CD86: variants seen among roughly 807,000 people sequenced by gnomAD.
CD86 encodes the protein T-lymphocyte activation antigen CD86.
In CD86, 11 loss-of-function variants were observed where a neutral mutation model predicts 32.1. The observed-to-expected ratio is 0.34, with a 90% CI of 0.22 to 0.57. The LOEUF (loss-of-function observed/expected upper bound fraction) is 0.57, where lower values mean the gene tolerates loss of function less well. Ranked by LOEUF, CD86 falls within the 20% of genes least tolerant of loss-of-function variation. CD86 has a pLI of 0.86. For synonymous variants in CD86, 137 were observed against 135.3 expected (o/e 1.01, Z -0.09); for missense variants, 359 against 398.4 (o/e 0.90, Z 0.84).
intron 5 of CD86, among the ~76,000 whole-genome samples, chr3:122,113,821 G>T (rs1321406180): frequency 6.6e-6 from 1 of 152,204 alleles, no homozygotes; most frequent in East Asian, 1.9e-4. Flanking sequence ...AGAGAACAGA[G>T]ATACTGTCTT....
chr3:122,106,593 C>A, intron 4 of CD86, 93 bp downstream of exon 4: 1 of 1,155,250 alleles, frequency 8.7e-7, no homozygotes, highest in South Asian at 1.5e-5. Flanking sequence ...GCTAGGAAAC[C>A]TCCAACTGGG....
intron 1 of CD86, among the ~76,000 whole-genome samples, chr3:122,056,523 CGG>C (rs1320110410): frequency 3.3e-5 from 5 of 152,156 alleles, no homozygotes; most frequent in African/African-American, 1.2e-4. Flanking sequence ...TTGGTAGAGA[CGG>C]GGTCCACCAT....
intron 1 of CD86, among the ~76,000 whole-genome samples, chr3:122,087,584 T>A (rs2107523517): frequency 6.6e-6 from 1 of 152,310 alleles, no homozygotes. Context: ...GAAAATCATA[T>A]CAATCTTGAG....
At chr3:122,100,968 T>G (rs985201221) in intron 2 of CD86, among the ~76,000 whole-genome samples, 2 of 152,024 alleles carry the variant, frequency 1.3e-5, no homozygotes, top group African/African-American at 4.8e-5. Context: ...ACTTTCCCCA[T>G]TTAGTCAGAG....
At chr3:122,115,412 T>C (rs964686796) in intron 5 of CD86, among the ~76,000 whole-genome samples, 4 of 152,136 alleles carry the variant, frequency 2.6e-5, no homozygotes, top group African/African-American at 9.7e-5. Context: ...GAAGACTAGA[T>C]GTTAAGATAA....
chr3:122,117,986 C>T (rs1252060799), intron 5 of CD86, 62 bp from the exon 6 acceptor site: 2 of 1,437,022 alleles, frequency 1.4e-6, no homozygotes, highest in Non-Finnish European at 2.0e-6. Flanking sequence ...CCTTTTCAAA[C>T]TTTCCTTCTT....
chr3:122,119,206 C>T (rs1395499226), intron 6 of CD86, among the ~76,000 whole-genome samples: 2 of 152,208 alleles, frequency 1.3e-5, no homozygotes, highest in African/African-American at 2.4e-5. Flanking sequence ...AGCAGAGAAC[C>T]GGCAGAGGGC....
chr3:122,071,006 T>C (rs1001826361), intron 1 of CD86, among the ~76,000 whole-genome samples: 2 of 152,226 alleles, frequency 1.3e-5, no homozygotes, highest in Non-Finnish European at 2.9e-5. Context: ...TTTCAAAAAA[T>C]TGAGCACATA....
chr3:122,108,672 A>G (rs1184255984), intron 4 of CD86, among the ~76,000 whole-genome samples: 2 of 152,210 alleles, frequency 1.3e-5, no homozygotes, highest in Non-Finnish European at 2.9e-5. Flanking sequence ...CAAGGCATGA[A>G]GAAACATCAA....
intron 1 of CD86, among the ~76,000 whole-genome samples, chr3:122,082,539 T>A (rs1378804062): frequency 1.3e-5 from 2 of 152,250 alleles, no homozygotes; most frequent in Non-Finnish European, 2.9e-5. Context: ...AGCGATGTGG[T>A]CTGATTAGCA....
intron 1 of CD86, among the ~76,000 whole-genome samples, chr3:122,075,953 A>T (rs141427934): frequency 6.6e-6 from 1 of 152,188 alleles, no homozygotes; most frequent in African/African-American, 2.4e-5. Flanking sequence ...CCTATGAGAT[A>T]TTTAGTATTA....
chr3:122,102,412 T>TTA (rs2073024957), intron 2 of CD86, among the ~76,000 whole-genome samples: 1 of 136,792 alleles, frequency 7.3e-6, no homozygotes, highest in African/African-American at 2.8e-5. Context: ...CTTACTTTTT[T>TTA]TTTTTTTTTT....
At chr3:122,102,406 C>CTTTTTTTTTTTTTTT (rs1011413952) in intron 2 of CD86, among the ~76,000 whole-genome samples, 2 of 56,134 alleles carry the variant, frequency 3.6e-5, no homozygotes, top group Admixed American at 1.7e-4. Context: ...CCACTGCTTA[C>CTTTTTTTTTTTTTTT]TTTTTTTTTT....
intron 1 of CD86, among the ~76,000 whole-genome samples, chr3:122,059,986 GT>G (rs2072306988): frequency 6.6e-6 from 1 of 152,054 alleles, no homozygotes; most frequent in South Asian, 2.1e-4. Context: ...GAAACCCTAA[GT>G]TTGGACTCCT....
At chr3:122,100,855 C>T (rs569255127) in intron 2 of CD86, among the ~76,000 whole-genome samples, 1 of 152,108 alleles carries the variant, frequency 6.6e-6, no homozygotes, top group African/African-American at 2.4e-5. Context: ...CAATGCTTAC[C>T]CACCTATGGA....
chr3:122,072,319 T>G (rs1576761479), intron 1 of CD86, among the ~76,000 whole-genome samples: 2 of 148,314 alleles, frequency 1.3e-5, no homozygotes, highest in South Asian at 2.2e-4. Flanking sequence ...ACTTCCACAA[T>G]GGTTGAACTA....
At position 122,106,451 on chromosome 3, in the gene CD86, T is replaced by C. The variant is rs368758278; in HGVS notation, c.654T>C (p.Cys218=). 1.2e-6 allele frequency: 2 copies of C among 1,613,126 alleles called. No homozygotes were observed. Among genetic ancestry groups the C allele is most frequent in the Non-Finnish European group, 1.7e-6 (2 of 1,179,462 alleles). ...PDVTSNMTIF[C]ILETDKTRLL... is the part of the protein sequence containing the mutation. ...TTACGAGCAATATGACCATCTTCTG[T>C]ATTCTGGAAACTGACAAGACGCGGC... Residue 218 remains cysteine, a synonymous_variant, in exon 4 of 7, where the codon TGT becomes TGC. Transcript: ENST00000330540.
intron 1 of CD86, among the ~76,000 whole-genome samples, chr3:122,080,667 G>A (rs1257383161): frequency 6.6e-6 from 1 of 152,138 alleles, no homozygotes; most frequent in African/African-American, 2.4e-5. Flanking sequence ...ACTCACGAAA[G>A]AAAACAAGCA....
chr3:122,068,308 T>C (rs2107504843), intron 1 of CD86, among the ~76,000 whole-genome samples: 1 of 152,244 alleles, frequency 6.6e-6, no homozygotes, highest in East Asian at 1.9e-4. Context: ...TGTTAAAATG[T>C]GTTAGTTTTG....
Sources: allele counts gnomAD v4.1 joint callset (sites outside exome capture counted in the v4.1 genomes callset), GRCh38; gene constraint gnomAD v4.1.1; transcripts MANE v1.5; gene names NCBI Gene and HGNC (gene_info 2026-07-23, HGNC 2026-07-21).